IKZF2: variants seen among roughly 807,000 people sequenced by gnomAD.
The protein encoded by IKZF2 is IKAROS family zinc finger 2.
Under a neutral mutation model 49.2 loss-of-function variants are expected in IKZF2, and 15 were observed. The ratio of observed to expected loss-of-function variants is 0.30; its 90% CI spans 0.20 to 0.47. The LOEUF (loss-of-function observed/expected upper bound fraction) is 0.47, where lower values mean the gene tolerates loss of function less well. Ranked by LOEUF, IKZF2 falls within the 20% of genes least tolerant of loss-of-function variation. The probability of loss-of-function intolerance (pLI) is 1.00; values close to 1 mark genes in which losing one functional copy is unlikely to be tolerated. For missense variants in IKZF2, 567 were observed against 664.6 expected (o/e 0.85, Z 1.61); for synonymous variants, 227 against 221.4 (o/e 1.03, Z -0.23).
At position 213,003,872 on chromosome 2, in the gene IKZF2, A is replaced by G. The variant is rs917878069; in HGVS notation, c.*3488T>C. ...TTTTCTGAATTTTCTTCGTATTCCA[A>G]AAAACTTTACATTAAATATCTTTGA... On this transcript the variant is annotated 3_prime_UTR_variant, in exon 9 of 9. Transcript: ENST00000434687. The G allele has an allele frequency of 6.6e-6, 1 of 151,788 alleles. No homozygotes were observed. The highest frequency in any genetic ancestry group is 2.4e-5 in the African/African-American group (1 of 41,402). The allele number at this position is 151,788 out of a possible 1,614,324, so 9.4% of individuals were successfully genotyped here. A position where few individuals can be genotyped will look rare whatever the true frequency, so the allele number is the denominator to read the frequency against.
Position 213,059,475 on chromosome 2 carries a change from C to A in IKZF2, c.140-2376G>T, listed in dbSNP as rs558420385. Among the ~76,000 whole-genome samples the A allele has an allele frequency of 1.7e-4, 25 of 151,376 alleles. 1 individual carries two copies. Among genetic ancestry groups the A allele is most frequent in the Non-Finnish European group, 2.2e-4 (15 of 67,586 alleles). ...GTAAGGGAGACTTTTAAAATCAATG[C>A]GAAATGCTATTGGTTATCCCATATA... On this transcript the variant is annotated intron_variant, in intron 4 of 8. Transcript: ENST00000434687.
chr2:213,041,588 C>T (rs1397854560), intron 6 of IKZF2, among the ~76,000 whole-genome samples: 1 of 152,136 alleles, frequency 6.6e-6, no homozygotes, highest in Non-Finnish European at 1.5e-5. Context: ...AGGTGTGAGC[C>T]ACCGTGCCCG....
At chr2:213,038,155 G>C (rs1699220969) in intron 6 of IKZF2, among the ~76,000 whole-genome samples, 1 of 151,994 alleles carries the variant, frequency 6.6e-6, no homozygotes, top group Non-Finnish European at 1.5e-5. Flanking sequence ...CCGCCTCCCA[G>C]ATGCACGCCG....
intron 4 of IKZF2, among the ~76,000 whole-genome samples, chr2:213,106,338 T>C (rs973947555): frequency 1.3e-5 from 2 of 151,540 alleles, no homozygotes; most frequent in Non-Finnish European, 2.9e-5. Context: ...GTCTAACTAC[T>C]CTTACGAAAA....
intron 6 of IKZF2, among the ~76,000 whole-genome samples, chr2:213,033,264 T>A (rs565659337): frequency 6.6e-6 from 1 of 152,326 alleles, no homozygotes; most frequent in African/African-American, 2.4e-5. Context: ...TCCACTGAAG[T>A]CCTGAACCTC....
chr2:213,073,622 T>C (rs973763276), intron 4 of IKZF2, among the ~76,000 whole-genome samples: 2 of 152,234 alleles, frequency 1.3e-5, no homozygotes, highest in African/African-American at 4.8e-5. Context: ...ATGTAAAGCA[T>C]ATATTAAACA....
chr2:213,029,343 G>T (rs896617961), intron 6 of IKZF2, among the ~76,000 whole-genome samples: 1 of 151,898 alleles, frequency 6.6e-6, no homozygotes, highest in Non-Finnish European at 1.5e-5. Flanking sequence ...TCAATTCCTG[G>T]AATAAATGTG....
At chr2:213,021,461 C>G (rs891877644) in intron 7 of IKZF2, 8 of 193,494 alleles carry the variant, frequency 4.1e-5, no homozygotes, top group Non-Finnish European at 7.4e-5. Context: ...GATTGCCTTC[C>G]TACCTGCCGT....
intron 4 of IKZF2, among the ~76,000 whole-genome samples, chr2:213,086,104 C>G (rs1704560870): frequency 6.6e-6 from 1 of 152,162 alleles, no homozygotes; most frequent in East Asian, 1.9e-4. Flanking sequence ...CATTACTCCA[C>G]TAAAAACATA....
chr2:213,137,606 C>G (rs2125928729), intron 4 of IKZF2, among the ~76,000 whole-genome samples: 1 of 152,100 alleles, frequency 6.6e-6, no homozygotes, highest in East Asian at 1.9e-4. Flanking sequence ...TAAAAAGTAA[C>G]AGATGTATTG....
chr2:213,122,301 T>C (rs919288689), intron 4 of IKZF2, among the ~76,000 whole-genome samples: 1 of 152,218 alleles, frequency 6.6e-6, no homozygotes. Flanking sequence ...TCTTAGCTCC[T>C]TGGAGCAACC....
At chr2:213,015,045 G>A (rs150180281) in intron 7 of IKZF2, 1 of 152,074 alleles carries the variant, frequency 6.6e-6, no homozygotes, top group African/African-American at 2.4e-5. Flanking sequence ...CATTTATAAG[G>A]GGATCCTCTT....
At chr2:213,019,560 T>C (rs1276206038) in intron 7 of IKZF2, among the ~76,000 whole-genome samples, 1 of 152,242 alleles carries the variant, frequency 6.6e-6, no homozygotes, top group Admixed American at 6.5e-5. Flanking sequence ...ATTATTGTTA[T>C]AACAAACCCA....
At chr2:213,138,334 C>T (rs2060749348) in intron 4 of IKZF2, among the ~76,000 whole-genome samples, 1 of 151,942 alleles carries the variant, frequency 6.6e-6, no homozygotes, top group Non-Finnish European at 1.5e-5. Flanking sequence ...TGTTTAGAAA[C>T]TTAGAGATCA....
At chr2:213,094,744 G>A (rs1413232178) in intron 4 of IKZF2, among the ~76,000 whole-genome samples, 1 of 152,100 alleles carries the variant, frequency 6.6e-6, no homozygotes, top group African/African-American at 2.4e-5. Flanking sequence ...TAAGTGCTGG[G>A]TGCATATCAG....
intron 4 of IKZF2, among the ~76,000 whole-genome samples, chr2:213,083,216 A>G (rs1704144742): frequency 1.3e-5 from 2 of 152,094 alleles, no homozygotes; most frequent in African/African-American, 2.4e-5. Context: ...AGTGCCAGGC[A>G]TCCCCAAACC....
rs1419852851 is a variant in IKZF2, at chr2:213,007,228, A to G, written c.*132T>C. On this transcript the variant is annotated 3_prime_UTR_variant, in exon 9 of 9. Coordinates refer to ENST00000434687, the MANE Select transcript of IKZF2 (RefSeq NM_001387220.1). ...AATGACACTGCCTCCACAAAATAAG[A>G]ATTATCAACAGTAATAATATTAAAA... The G allele has an allele frequency of 3.1e-6, 3 of 976,912 alleles. No individual in the cohort carries two copies. The highest frequency in any genetic ancestry group is 4.4e-6 in the Non-Finnish European group (3 of 676,940). The allele number at this position is 976,912 out of a possible 1,614,324, so 60.5% of individuals were successfully genotyped here.
chr2:213,117,466 A>G (rs931636982), intron 4 of IKZF2, among the ~76,000 whole-genome samples: 4 of 152,220 alleles, frequency 2.6e-5, no homozygotes, highest in African/African-American at 9.6e-5. Flanking sequence ...ATTTGAACCT[A>G]GGCCCCAGAA....
chr2:213,024,926 CAT>C (rs1352120599), intron 6 of IKZF2, among the ~76,000 whole-genome samples: 2 of 152,000 alleles, frequency 1.3e-5, no homozygotes, highest in East Asian at 1.9e-4. Context: ...ATACATATAA[CAT>C]ATATATTCAT....
Sources: allele counts gnomAD v4.1 joint callset (sites outside exome capture counted in the v4.1 genomes callset), GRCh38; gene constraint gnomAD v4.1.1; transcripts MANE v1.5; gene names NCBI Gene and HGNC (gene_info 2026-07-23, HGNC 2026-07-21).